Variants in PSD3 observed in about 807,000 individuals in gnomAD.
PSD3 encodes the protein pleckstrin and Sec7 domain containing 3.
A neutral mutation model predicts 105.5 loss-of-function variants in PSD3; 49 were observed. The observed-to-expected ratio is 0.46, with a 90% CI of 0.37 to 0.59. PSD3 has a LOEUF of 0.59. Among genes scored for constraint, PSD3 ranks in the 20% least tolerant of loss-of-function variants. PSD3 has a pLI of 0.00. For synonymous variants in PSD3, 557 were observed against 457.8 expected, an observed-to-expected ratio of 1.22 and a Z score of -2.77; for missense variants, 1,561 against 1,263.8, an observed-to-expected ratio of 1.24 and a Z score of -3.57.
intron 11 of PSD3, among the ~76,000 whole-genome samples, chr8:18,602,816 T>C (rs1360041054): frequency 6.6e-6 from 1 of 152,116 alleles, no homozygotes; most frequent in Non-Finnish European, 1.5e-5. Flanking sequence ...ACTGGACCCT[T>C]GGTGAGGCTC....
At chr8:19,061,089 C>T (rs557886902) in intron 1 of PSD3, among the ~76,000 whole-genome samples, 39 of 152,302 alleles carry the variant, frequency 2.6e-4, no homozygotes, top group South Asian at 2.1e-3. Flanking sequence ...CCTCCACCAG[C>T]AGCATCTGCT....
At chr8:18,778,124 C>A (rs894377393) in intron 8 of PSD3, among the ~76,000 whole-genome samples, 1 of 152,180 alleles carries the variant, frequency 6.6e-6, no homozygotes, top group Admixed American at 6.5e-5. Flanking sequence ...ATAACTCTGA[C>A]ATTAATTTCC....
At chr8:19,081,011 C>G (rs565382149) in intron 1 of PSD3, among the ~76,000 whole-genome samples, 2 of 152,252 alleles carry the variant, frequency 1.3e-5, no homozygotes, top group African/African-American at 4.8e-5. Context: ...TTTCCTTATC[C>G]TCTTATCTTT....
At chr8:18,655,328 CAA>C (rs35143136) in intron 10 of PSD3, among the ~76,000 whole-genome samples, 4,762 of 100,038 alleles carry the variant, frequency 0.048, 80 homozygotes, top group East Asian at 0.11. Flanking sequence ...GACTCCACCT[CAA>C]AAAAAAAAAA....
At chr8:18,802,340 T>C (rs143207494) in intron 6 of PSD3, 5 of 435,478 alleles carry the variant, frequency 1.1e-5, no homozygotes, top group East Asian at 1.4e-4. Context: ...CTTGACAATG[T>C]AGATTCATTT....
At chr8:18,542,293 C>A (rs1800196598) in intron 15 of PSD3, among the ~76,000 whole-genome samples, 1 of 152,166 alleles carries the variant, frequency 6.6e-6, no homozygotes, top group Admixed American at 6.5e-5. Context: ...AATCTACTTG[C>A]CTGATCATTC....
In PSD3 at chr8:18,804,906, A is replaced by G. The variant is rs139064776; in HGVS notation, c.1635-8T>C. The G allele has an allele frequency of 7.0e-6, 11 of 1,575,242 alleles. No homozygotes were observed. The East Asian group carries it at 2.5e-4, about 35-fold the overall frequency. Reference sequence around the variant, plus strand: ...GTTTTCACCCCAGCATTGCTATGATAATTGATAAAGAGAGAAAATAATAGA... The same window carrying G: ...GTTTTCACCCCAGCATTGCTATGATGATTGATAAAGAGAGAAAATAATAGA... On this transcript the variant is annotated splice_polypyrimidine_tract_variant and splice_region_variant and intron_variant, in intron 4 of 15. Transcript: ENST00000327040.
At chr8:19,080,372 T>G (rs1034452298) in intron 1 of PSD3, among the ~76,000 whole-genome samples, 1 of 152,186 alleles carries the variant, frequency 6.6e-6, no homozygotes, top group Non-Finnish European at 1.5e-5. Context: ...AACCAGAGCT[T>G]CTTTGTTATC....
At chr8:18,749,516 C>G (rs2129437313) in intron 9 of PSD3, among the ~76,000 whole-genome samples, 1 of 152,272 alleles carries the variant, frequency 6.6e-6, no homozygotes, top group Middle Eastern at 3.4e-3. Flanking sequence ...GTTCATCTAG[C>G]CACTGCTAAG....
chr8:18,836,880 ATG>A (rs1814153044), intron 4 of PSD3, among the ~76,000 whole-genome samples: 2 of 150,166 alleles, frequency 1.3e-5, no homozygotes, highest in South Asian at 4.2e-4. Flanking sequence ...AGTTGGTTTA[ATG>A]CGATGTGGAA....
At chr8:18,783,139 G>A (rs931553528) in intron 8 of PSD3, among the ~76,000 whole-genome samples, 1 of 152,142 alleles carries the variant, frequency 6.6e-6, no homozygotes, top group African/African-American at 2.4e-5. Flanking sequence ...TTTCTTTGTA[G>A]GAAGTTTTCT....
intron 10 of PSD3, among the ~76,000 whole-genome samples, chr8:18,652,475 T>C (rs13258758): frequency 0.16 from 23,593 of 146,718 alleles, 2,197 homozygotes; most frequent in South Asian, 0.33. Context: ...CATACACTTT[T>C]ATCAAGGAAA....
At chr8:18,734,856 C>G (rs1356399447) in intron 9 of PSD3, among the ~76,000 whole-genome samples, 4 of 152,144 alleles carry the variant, frequency 2.6e-5, no homozygotes, top group Non-Finnish European at 5.9e-5. Context: ...AAGCCAAAAT[C>G]AAAAGCTTCC....
At chr8:18,993,413 A>G (rs1203598325) in intron 1 of PSD3, among the ~76,000 whole-genome samples, 1 of 149,582 alleles carries the variant, frequency 6.7e-6, no homozygotes, top group Non-Finnish European at 1.5e-5. Flanking sequence ...ATTGTTTCAG[A>G]GTATAGTGGC....
intron 9 of PSD3, among the ~76,000 whole-genome samples, chr8:18,764,135 T>C (rs1207572298): frequency 6.6e-6 from 1 of 152,152 alleles, no homozygotes; most frequent in Non-Finnish European, 1.5e-5. Flanking sequence ...ACCACTAAAT[T>C]CTAAAAGCTT....
intron 4 of PSD3, among the ~76,000 whole-genome samples, chr8:18,830,465 A>G (rs905788490): frequency 6.6e-6 from 1 of 152,190 alleles, no homozygotes; most frequent in Non-Finnish European, 1.5e-5. Context: ...ACTTCTGGGC[A>G]TCTCTTTTAG....
rs67855105 is a variant in PSD3 at position 18,684,204 on chromosome 8, CCACACACACACACACACACACACA to C, written c.2173-28543_2173-28520del. 62 of 195,654 alleles carry C rather than the reference CCACACACACACACACACACACACA, an allele frequency of 3.2e-4. 1 individual carries two copies. The South Asian group carries it at 3.2e-3, about 10-fold the overall frequency. 12.1% of individuals were successfully genotyped at this position (195,654 alleles called of 1,614,324 possible). On this transcript the variant is annotated intron_variant, in intron 9 of 15. Transcript: ENST00000327040. ...CACCCCTGCTACTCGTCTCTCTTTT[CCACACACACACACACACACACACA>C]CACACACACACACACACACACACCC... is the stretch of plus-strand genomic sequence containing the variant.
At chr8:19,072,379 G>A (rs908585734) in intron 1 of PSD3, among the ~76,000 whole-genome samples, 1 of 152,170 alleles carries the variant, frequency 6.6e-6, no homozygotes, top group East Asian at 1.9e-4. Flanking sequence ...GAGCCACGGA[G>A]CCCGGATGGT....
intron 1 of PSD3, among the ~76,000 whole-genome samples, chr8:19,036,214 G>A (rs1289553827): frequency 6.6e-6 from 1 of 152,152 alleles, no homozygotes; most frequent in Admixed American, 6.6e-5. Context: ...AATGGCTCAA[G>A]GAGTTGCTTG....
Sources: gnomAD v4.1 joint callset for allele counts (sites outside exome capture counted in the v4.1 genomes callset) on GRCh38, gnomAD v4.1.1 for gene constraint, MANE v1.5 for transcripts, NCBI Gene and HGNC (gene_info 2026-07-23, HGNC 2026-07-21) for gene names.